TRHDE: variants seen among roughly 807,000 people sequenced by gnomAD.
The protein encoded by TRHDE is thyrotropin releasing hormone degrading enzyme.
Under a neutral mutation model 125.7 loss-of-function variants are expected in TRHDE, and 72 were observed. The observed-to-expected ratio is 0.57, with a 90% CI of 0.47 to 0.70. TRHDE has a LOEUF of 0.70. TRHDE is among the 30% of genes least tolerant of loss of function. The pLI is 0.00. For missense variants in TRHDE, 1,110 were observed against 1,327.1 expected (o/e 0.84, Z 2.54); for synonymous variants, 509 against 509.1 (o/e 1.00, Z 0.00).
At chr12:72,354,721 A>G (rs1177759229) in intron 2 of TRHDE, among the ~76,000 whole-genome samples, 1 of 148,736 alleles carries the variant, frequency 6.7e-6, no homozygotes, top group Admixed American at 6.8e-5. Flanking sequence ...TTATTTTATA[A>G]TTATGTATAC....
intron 3 of TRHDE, among the ~76,000 whole-genome samples, chr12:72,390,745 C>T (rs1010686942): frequency 3.3e-5 from 5 of 152,098 alleles, no homozygotes; most frequent in South Asian, 2.1e-4. Context: ...GGATTAGGAA[C>T]TCTAAGTGGT....
chr12:72,370,797 C>T (rs1003244693), intron 2 of TRHDE, among the ~76,000 whole-genome samples: 1 of 151,462 alleles, frequency 6.6e-6, no homozygotes, highest in Non-Finnish European at 1.5e-5. Flanking sequence ...GGCTGGAATG[C>T]GATGGCGTGA....
intron 3 of TRHDE, among the ~76,000 whole-genome samples, chr12:72,396,104 G>T (rs894127983): frequency 3.3e-5 from 5 of 152,008 alleles, no homozygotes; most frequent in African/African-American, 1.2e-4. Context: ...TTAAAACTTT[G>T]CTCTAAAAAT....
intron 5 of TRHDE, among the ~76,000 whole-genome samples, chr12:72,485,366 G>T (rs1877353984): frequency 6.6e-6 from 1 of 152,154 alleles, no homozygotes; most frequent in South Asian, 2.1e-4. Context: ...TTCCTGAGCT[G>T]ATCTGCTGCT....
intron 5 of TRHDE, among the ~76,000 whole-genome samples, chr12:72,478,782 A>C (rs1258160988): frequency 6.6e-6 from 1 of 152,098 alleles, no homozygotes; most frequent in East Asian, 1.9e-4. Flanking sequence ...TAATGTGCAT[A>C]TGCCCCATGC....
chr12:72,230,022 A>T (rs765999640), intron 2 of TRHDE, among the ~76,000 whole-genome samples: 1 of 152,202 alleles, frequency 6.6e-6, no homozygotes, highest in South Asian at 2.1e-4. Context: ...TAGATGTGCT[A>T]GCAAGAGGGT....
At chr12:72,250,004 T>A (rs1878646852) in intron 2 of TRHDE, among the ~76,000 whole-genome samples, 1 of 152,130 alleles carries the variant, frequency 6.6e-6, no homozygotes, top group South Asian at 2.1e-4. Context: ...AAGAACTGCA[T>A]AAATATAAAA....
At chr12:72,595,508 G>A (rs1357577391) in intron 12 of TRHDE, among the ~76,000 whole-genome samples, 1 of 151,900 alleles carries the variant, frequency 6.6e-6, no homozygotes. Flanking sequence ...TAAAACTGAT[G>A]TCATTCATTT....
intron 6 of TRHDE, among the ~76,000 whole-genome samples, chr12:72,514,687 G>A (rs1878754960): frequency 1.3e-5 from 2 of 150,980 alleles, no homozygotes; most frequent in South Asian, 2.1e-4. Flanking sequence ...TGCACAATGT[G>A]CAGGTTAGTT....
chr12:72,333,856 A>T (rs1206866943), intron 2 of TRHDE, among the ~76,000 whole-genome samples: 1 of 152,266 alleles, frequency 6.6e-6, no homozygotes, highest in African/African-American at 2.4e-5. Flanking sequence ...CAAGAAACAT[A>T]GTTTTTTAAA....
intron 2 of TRHDE, among the ~76,000 whole-genome samples, chr12:72,216,006 A>G (rs139621202): frequency 4.6e-4 from 70 of 152,330 alleles, no homozygotes; most frequent in Admixed American, 1.2e-3. Context: ...CATCTCTTCT[A>G]TTCTACTAAA....
In TRHDE at chr12:72,272,770, G is replaced by C. The variant is rs376186461; in HGVS notation, c.127G>C (p.Ala43Pro). 1.3e-6 allele frequency: 2 copies of C among 1,545,330 alleles called. No homozygotes were observed. Among genetic ancestry groups the C allele is most frequent in the Admixed American group, 1.8e-5 (1 of 56,778 alleles). ...GGCCGAGAAGAGCAGCTCACCCTTC[G>C]CAGCCGCGATGGGGGAAGACGACGC... ...EGAEKSSSPF[A>P]AAMGEDDAAL... Residue 43 changes from alanine (A) to proline (P), a missense_variant, in exon 1 of 19, where the codon GCA becomes CCA. By Grantham distance (27) the Ala-to-Pro change is conservative. Transcript: ENST00000261180. The surrounding 1 kb of genome is among the most constrained non-coding windows in gnomAD (Gnocchi z 6.7).
chr12:72,549,297 T>C (rs950954080), intron 7 of TRHDE, among the ~76,000 whole-genome samples: 58 of 152,018 alleles, frequency 3.8e-4, no homozygotes, highest in African/African-American at 1.4e-3. Flanking sequence ...AGTTGAAAAC[T>C]GCAGGCTTAC....
chr12:72,289,688 C>T (rs912873617), intron 2 of TRHDE, among the ~76,000 whole-genome samples: 1 of 152,106 alleles, frequency 6.6e-6, no homozygotes, highest in Non-Finnish European at 1.5e-5. Context: ...TGTGATATAG[C>T]AGCAAACAAA....
chr12:72,334,563 G>C (rs916908135), intron 2 of TRHDE, among the ~76,000 whole-genome samples: 1 of 152,208 alleles, frequency 6.6e-6, no homozygotes, highest in African/African-American at 2.4e-5. Flanking sequence ...CCAGCTGTCT[G>C]ATCTGCAACC....
At chr12:72,476,946 G>A (rs1001980517) in intron 5 of TRHDE, among the ~76,000 whole-genome samples, 1 of 152,068 alleles carries the variant, frequency 6.6e-6, no homozygotes, top group Admixed American at 6.6e-5. Context: ...TGATAATTTT[G>A]TCCTCTAGCA....
intron 7 of TRHDE, among the ~76,000 whole-genome samples, chr12:72,544,702 A>G (rs1298507924): frequency 6.6e-6 from 1 of 151,238 alleles, no homozygotes; most frequent in African/African-American, 2.4e-5. Flanking sequence ...CTTGCAATTT[A>G]TGTATCCTTA....
intron 6 of TRHDE, among the ~76,000 whole-genome samples, chr12:72,532,902 A>G: frequency 6.6e-6 from 1 of 151,602 alleles, no homozygotes. Context: ...ACATGATCAT[A>G]TGAAGGATAT....
At chr12:72,620,281 G>A (rs1475766973) in intron 13 of TRHDE, among the ~76,000 whole-genome samples, 6 of 126,444 alleles carry the variant, frequency 4.7e-5, no homozygotes, top group Admixed American at 1.0e-4. Flanking sequence ...CAAAATTCAA[G>A]AAGCACATTA....
Sources: gnomAD v4.1 joint callset for allele counts (sites outside exome capture counted in the v4.1 genomes callset) on GRCh38, gnomAD v4.1.1 for gene constraint, Gnocchi (gnomAD v3.1) non-coding constraint, MANE v1.5 for transcripts, NCBI Gene and HGNC (gene_info 2026-07-23, HGNC 2026-07-21) for gene names.